Variants in RAP1GDS1 observed in about 807,000 individuals in gnomAD.
RAP1GDS1 encodes Rap1 GTPase-GDP dissociation stimulator 1, also known as RAP1, GTP-GDP dissociation stimulator 1.
A neutral mutation model predicts 71.1 loss-of-function variants in RAP1GDS1; 35 were observed. That is an observed-to-expected ratio of 0.49 (90% confidence interval 0.38 to 0.65). The LOEUF is 0.65. Among genes scored for constraint, RAP1GDS1 ranks in the 30% least tolerant of loss-of-function variants. The pLI is 0.00. For synonymous variants in RAP1GDS1, 229 were observed against 243.1 expected (o/e 0.94, Z 0.54); for missense variants, 663 against 706.1 (o/e 0.94, Z 0.69).
chr4:98,364,129 A>G (rs1465746574), intron 4 of RAP1GDS1, among the ~76,000 whole-genome samples: 2 of 152,234 alleles, frequency 1.3e-5, no homozygotes, highest in Non-Finnish European at 1.5e-5. Context: ...GGCGATTTCT[A>G]TATCTTTATA....
intron 6 of RAP1GDS1, among the ~76,000 whole-genome samples, chr4:98,398,080 A>C (rs559419928): frequency 1.3e-5 from 2 of 152,234 alleles, no homozygotes; most frequent in East Asian, 3.9e-4. Context: ...CAGACAGCTC[A>C]AGAGGTGAGG....
chr4:98,398,900 C>T (rs1270527632), intron 6 of RAP1GDS1, among the ~76,000 whole-genome samples: 2 of 152,116 alleles, frequency 1.3e-5, no homozygotes, highest in East Asian at 3.9e-4. Context: ...AACTACAAAA[C>T]ACTGATGAGG....
intron 11 of RAP1GDS1, 112 bp downstream of exon 11, chr4:98,420,256 G>A: frequency 5.6e-6 from 6 of 1,068,736 alleles, no homozygotes; most frequent in South Asian, 8.0e-5. Context: ...ATAAAAAATA[G>A]CAAATAAAAG....
chr4:98,283,361 T>C (rs1410453398), intron 1 of RAP1GDS1, among the ~76,000 whole-genome samples: 1 of 152,154 alleles, frequency 6.6e-6, no homozygotes, highest in Non-Finnish European at 1.5e-5. Flanking sequence ...TAAGCTCTAA[T>C]AAAAACTGTC....
At chr4:98,434,119 G>A in intron 13 of RAP1GDS1, 57 bp downstream of exon 13, 1 of 1,582,840 alleles carries the variant, frequency 6.3e-7, no homozygotes, top group African/African-American at 1.3e-5. Context: ...ATGAAAGGAA[G>A]TATAGAAGTG....
intron 2 of RAP1GDS1, among the ~76,000 whole-genome samples, chr4:98,322,985 TG>T (rs1255142613): frequency 6.7e-6 from 1 of 149,524 alleles, no homozygotes. Flanking sequence ...ATCCAGGAGC[TG>T]GTTTTTTGAA....
chr4:98,370,807 G>A (rs1477587520), intron 4 of RAP1GDS1, among the ~76,000 whole-genome samples: 1 of 152,004 alleles, frequency 6.6e-6, no homozygotes, highest in Non-Finnish European at 1.5e-5. Flanking sequence ...CTGACCTCAG[G>A]TAATCCACCT....
intron 4 of RAP1GDS1, among the ~76,000 whole-genome samples, chr4:98,353,093 T>C (rs1737452227): frequency 6.6e-6 from 1 of 152,218 alleles, no homozygotes. Context: ...TTTGTCATTA[T>C]ATCATTGTCA....
intron 7 of RAP1GDS1, among the ~76,000 whole-genome samples, chr4:98,405,491 T>C (rs1472776098): frequency 1.3e-5 from 2 of 152,072 alleles, no homozygotes; most frequent in Non-Finnish European, 2.9e-5. Flanking sequence ...GACATTCTCA[T>C]ATGCATTTTT....
chr4:98,346,916 T>C (rs1736389516), intron 3 of RAP1GDS1, among the ~76,000 whole-genome samples: 1 of 152,216 alleles, frequency 6.6e-6, no homozygotes, highest in Non-Finnish European at 1.5e-5. Context: ...ACAACCCACA[T>C]ATAAAAGTCA....
At chr4:98,317,827 T>TATATA (rs750954772) in intron 2 of RAP1GDS1, among the ~76,000 whole-genome samples, 1 of 143,728 alleles carries the variant, frequency 7.0e-6, no homozygotes, top group Non-Finnish European at 1.5e-5. Context: ...TATATATATA[T>TATATA]TTTTTTTTCT....
At chr4:98,381,342 TTGTC>T (rs1474974310) in intron 5 of RAP1GDS1, among the ~76,000 whole-genome samples, 4 of 151,660 alleles carry the variant, frequency 2.6e-5, no homozygotes, top group African/African-American at 7.2e-5. Context: ...TTTTTACATT[TTGTC>T]TGTCACGAGT....
At chr4:98,401,031 TGAA>T (rs1238380236) in intron 6 of RAP1GDS1, among the ~76,000 whole-genome samples, 2 of 152,154 alleles carry the variant, frequency 1.3e-5, no homozygotes, top group African/African-American at 4.8e-5. Flanking sequence ...GGGATTTAAA[TGAA>T]GAAAAACTAC....
chr4:98,336,179 A>G lies in RAP1GDS1; in HGVS notation c.113-6960A>G, dbSNP rs1734698416. ...AGAAATCTGTATTTCTTATAGGTAA[A>G]TATTCATATCTTCAGTAATTCAACT... On this transcript the variant is annotated intron_variant, in intron 2 of 14. Transcript: ENST00000408927. Among the ~76,000 whole-genome samples the G allele has an allele frequency of 2.0e-5, 3 of 152,116 alleles. No homozygotes were observed. The South Asian group carries it at 6.2e-4, about 32-fold the overall frequency.
intron 12 of RAP1GDS1, among the ~76,000 whole-genome samples, chr4:98,427,734 A>G (rs1246394583): frequency 6.6e-6 from 1 of 152,192 alleles, no homozygotes; most frequent in East Asian, 1.9e-4. Context: ...ATGAAAACAC[A>G]TCCAATGCTC....
intron 5 of RAP1GDS1, among the ~76,000 whole-genome samples, chr4:98,382,225 G>A (rs1272977067): frequency 6.6e-6 from 1 of 151,568 alleles, no homozygotes; most frequent in African/African-American, 2.4e-5. Flanking sequence ...TCAGGTAAGT[G>A]TAGAATAATC....
At chr4:98,372,842 G>A (rs1740595645) in intron 4 of RAP1GDS1, among the ~76,000 whole-genome samples, 1 of 151,910 alleles carries the variant, frequency 6.6e-6, no homozygotes, top group Non-Finnish European at 1.5e-5. Context: ...ATGCCACAAT[G>A]CCTGGCTAAT....
chr4:98,296,827 G>A (rs750084565), intron 2 of RAP1GDS1: 46 of 313,578 alleles, frequency 1.5e-4, no homozygotes, highest in Non-Finnish European at 2.7e-4. Context: ...CCTTGCAAGA[G>A]AAACTATTAG....
chr4:98,268,707 A>G (rs1018710313), intron 1 of RAP1GDS1, among the ~76,000 whole-genome samples: 7 of 152,132 alleles, frequency 4.6e-5, no homozygotes, highest in Admixed American at 1.3e-4. Context: ...CAAGAAAACA[A>G]TCCTATTTAC....
Sources: gnomAD v4.1 joint callset for allele counts (sites outside exome capture counted in the v4.1 genomes callset) on GRCh38, gnomAD v4.1.1 for gene constraint, MANE v1.5 for transcripts, NCBI Gene and HGNC (gene_info 2026-07-23, HGNC 2026-07-21) for gene names.